NCR2: variants seen among roughly 807,000 people sequenced by gnomAD.
The protein encoded by NCR2 is natural cytotoxicity triggering receptor 2.
Under a neutral mutation model 30.7 loss-of-function variants are expected in NCR2, and 35 were observed. The ratio of observed to expected loss-of-function variants is 1.14; its 90% CI spans 0.87 to 1.51. The LOEUF (loss-of-function observed/expected upper bound fraction) is 1.51. NCR2 is among the 40% of genes most tolerant of loss of function. The probability of loss-of-function intolerance (pLI) is 0.00; values close to 1 mark genes in which losing one functional copy is unlikely to be tolerated. For missense variants in NCR2, 316 were observed against 328.9 expected (o/e 0.96, Z 0.30); for synonymous variants, 146 against 134.8 (o/e 1.08, Z -0.58).
Position 41,336,292 on chromosome 6 carries a change from C to A in NCR2, c.258C>A (p.Asp86Glu), listed in dbSNP as rs760971967. 3.7e-6 allele frequency: 6 copies of A among 1,613,998 alleles called. No homozygotes were observed. Among genetic ancestry groups the A allele is most frequent in the South Asian group, 1.1e-5 (1 of 91,088 alleles). The change falls in exon 2 of 5, where the codon GAC becomes GAA. Residue 86 changes from aspartate to glutamate, a missense_variant. Physicochemically the swap from Asp to Glu is conservative, Grantham distance 45 (BLOSUM62 2). Transcript: ENST00000373089. ...AWTSRFTIWD[D>E]PDAGFFTVTM... is the part of the protein sequence containing the mutation. ...CCTCTCGATTCACAATCTGGGACGACCCTGATGCTGGCTTCTTCACTGTCA... is the reference window on the plus strand; with the variant it reads ...CCTCTCGATTCACAATCTGGGACGAACCTGATGCTGGCTTCTTCACTGTCA...
rs758622920 is a variant in NCR2 at position 41,335,851 on chromosome 6, C to A, written c.-26C>A. 6.4e-7 allele frequency: 1 copy of A among 1,558,430 alleles called. No homozygotes were observed. Among genetic ancestry groups the A allele is most frequent in the South Asian group, 1.2e-5 (1 of 84,646 alleles). On this transcript the variant is annotated 5_prime_UTR_variant, in exon 1 of 5. Transcript: ENST00000373089. ...CCCAGTCTTCTCCAGGTGTCCCCTC[C>A]CATGAGCGCACAGGAAAAGGACCAC... is the stretch of plus-strand genomic sequence containing the variant.
chr6:41,347,748 G>A (rs1323555802), intron 4 of NCR2, among the ~76,000 whole-genome samples: 1 of 152,176 alleles, frequency 6.6e-6, no homozygotes, highest in Admixed American at 6.5e-5. Context: ...ATGGGGGTGT[G>A]ATCAGAAATT....
At position 41,336,462 on chromosome 6, in the gene NCR2, C is replaced by G. The variant is rs755803101; in HGVS notation, c.394+34C>G. 1.1e-5 allele frequency: 17 copies of G among 1,548,544 alleles called. No individual in the cohort carries two copies. The Middle Eastern group carries it at 2.4e-3, about 220-fold the overall frequency. On this transcript the variant is annotated intron_variant, in intron 2 of 4. Coordinates refer to ENST00000373089, the MANE Select transcript of NCR2 (RefSeq NM_004828.4). ...TTTCCCTAGGGTCCTCAGAGGGGTG[C>G]CCCTCACCCCCTTTTGGTGCCTCCA...
chr6:41,336,241 C>T lies in NCR2; in HGVS notation c.207C>T (p.Ser69=). 1 of 1,614,190 alleles carries T rather than the reference C, an allele frequency of 6.2e-7. No individual in the cohort carries two copies. The highest frequency in any genetic ancestry group is 2.2e-5 in the East Asian group (1 of 44,878). Residue 69 remains serine (S), a synonymous_variant, in exon 2 of 5, where the codon AGC becomes AGT. Coordinates refer to ENST00000373089, the MANE Select transcript of NCR2 (RefSeq NM_004828.4). ...TTGTGTGCATCAGGTTAGTCACCAGCTCCAAGCCCAGGACGATGGCTTGGA... is the reference window on the plus strand; with the variant it reads ...TTGTGTGCATCAGGTTAGTCACCAGTTCCAAGCCCAGGACGATGGCTTGGA... ...SALVCIRLVT[S]SKPRTMAWTS... is the part of the protein sequence containing the mutation.
In NCR2 at chr6:41,350,790, G is replaced by C. The variant is rs377176492; in HGVS notation, c.757G>C (p.Val253Leu). ...DLPWTSVSSP[V>L]EREILYHTVA... ...TCCCTGGACCTCAGTTTCCTCACCT[G>C]TAGAGAGAGAAATATTATATCACAC... is the stretch of plus-strand genomic sequence containing the variant. Residue 253 changes from valine (V) to leucine (L), a missense_variant, in exon 5 of 5, where the codon GTA becomes CTA. By Grantham distance (32) the Val-to-Leu change is conservative. Coordinates refer to ENST00000373089, the MANE Select transcript of NCR2 (RefSeq NM_004828.4). 7.9e-6 allele frequency: 11 copies of C among 1,393,512 alleles called. No homozygotes were observed. Among genetic ancestry groups the C allele is most frequent in the Non-Finnish European group, 1.1e-5 (11 of 978,864 alleles). 86.3% of individuals were successfully genotyped at this position (1,393,512 alleles called of 1,614,324 possible). A position where few individuals can be genotyped will look rare whatever the true frequency, so the allele number is the denominator to read the frequency against.
At position 41,335,945 on chromosome 6, in the gene NCR2, G is replaced by T; in HGVS notation, c.52+17G>T. ...TGTTCCCAGGTGAGGGGGAGGAGGA[G>T]CCCAGGGAGCAGAGGAGATGGGTGT... On this transcript the variant is annotated intron_variant, in intron 1 of 4. Transcript: ENST00000373089. 6.4e-7 allele frequency: 1 copy of T among 1,571,834 alleles called. No individual in the cohort carries two copies. The highest frequency in any genetic ancestry group is 8.6e-7 in the Non-Finnish European group (1 of 1,158,336).
chr6:41,345,925 G>C lies in NCR2; in HGVS notation c.644+3776G>C, dbSNP rs150604253. 3.5e-4 allele frequency among the ~76,000 whole-genome samples: 53 copies of C among 152,222 alleles called. No homozygotes were observed. The East Asian group carries it at 8.1e-3, about 23-fold the overall frequency. On this transcript the variant is annotated intron_variant, in intron 4 of 4. Coordinates refer to ENST00000373089, the MANE Select transcript of NCR2 (RefSeq NM_004828.4). ...TGCTTTCTCCGCAGTTCTCTTGCGG[G>C]GGGAGGGAGGCGGTTTGTTCTCCTT...
In NCR2 at chr6:41,335,969, G is replaced by T. The variant is rs1489457614; in HGVS notation, c.52+41G>T. On this transcript the variant is annotated intron_variant, in intron 1 of 4. Coordinates refer to ENST00000373089, the MANE Select transcript of NCR2 (RefSeq NM_004828.4). The stretch of plus-strand genomic sequence containing the variant: ...AGCCCAGGGAGCAGAGGAGATGGGT[G>T]TGGTGGGGACTGTCAGGACAGCAGG... The T allele has an allele frequency of 1.9e-6, 3 of 1,577,904 alleles. No individual in the cohort carries two copies. In the African/African-American group the frequency reaches 4.1e-5, roughly 21 times the overall value.
At chr6:41,339,100 C>T (rs577776982) in intron 2 of NCR2, among the ~76,000 whole-genome samples, 8 of 152,288 alleles carry the variant, frequency 5.3e-5, no homozygotes, top group Non-Finnish European at 1.0e-4. Flanking sequence ...GGCGGAGTCT[C>T]GCTCTGTCTG....
intron 2 of NCR2, among the ~76,000 whole-genome samples, chr6:41,337,329 T>C (rs1351307204): frequency 1.3e-5 from 2 of 152,222 alleles, no homozygotes; most frequent in East Asian, 1.9e-4. Flanking sequence ...TTATAAAAAC[T>C]GTATACATTG....
chr6:41,336,492 C>T (rs751914544), intron 2 of NCR2, 64 bp downstream of exon 2: 6 of 1,397,750 alleles, frequency 4.3e-6, no homozygotes, highest in African/African-American at 2.9e-5. Flanking sequence ...CCTCCATCAC[C>T]CCTGGTTTCC....
intron 2 of NCR2, among the ~76,000 whole-genome samples, chr6:41,338,790 G>T (rs1441193497): frequency 6.6e-6 from 1 of 152,134 alleles, no homozygotes; most frequent in Non-Finnish European, 1.5e-5. Flanking sequence ...TTGACCTAAG[G>T]CGTCAAGGGA....
intron 4 of NCR2, among the ~76,000 whole-genome samples, chr6:41,349,957 A>G (rs1322138158): frequency 1.3e-5 from 2 of 152,192 alleles, no homozygotes; most frequent in African/African-American, 2.4e-5. Flanking sequence ...ATGAGCCACA[A>G]GAAGAAACCA....
Position 41,336,163 on chromosome 6 carries a change from G to A in NCR2, c.129G>A (p.Pro43=), listed in dbSNP as rs569305538. 48 of 1,613,988 alleles carry A rather than the reference G, an allele frequency of 3.0e-5. No homozygotes were observed. Among genetic ancestry groups the A allele is most frequent in the African/African-American group, 4.0e-5 (3 of 74,928 alleles). Residue 43 remains proline (P), a synonymous_variant, in exon 2 of 5, where the codon CCG becomes CCA. Coordinates refer to ENST00000373089, the MANE Select transcript of NCR2 (RefSeq NM_004828.4). The part of the protein sequence containing the change: ...GQTLTVRCQY[P]PTGSLYEKKG... ...CGCTAACCGTGAGATGCCAGTACCCGCCCACGGGCAGTCTCTACGAGAAGA... is the reference window on the plus strand; with the variant it reads ...CGCTAACCGTGAGATGCCAGTACCCACCCACGGGCAGTCTCTACGAGAAGA...
rs747353091 is a variant in NCR2 at position 41,342,135 on chromosome 6, C to A, written c.630C>A (p.Ala210=). ...TAGCCAAGAGCCTGGTGCTGTCAGCCCTGCTCGTCTGGTGGTGAGTGTGGT... is the reference window on the plus strand; with the variant it reads ...TAGCCAAGAGCCTGGTGCTGTCAGCACTGCTCGTCTGGTGGTGAGTGTGGT... ...LLVAKSLVLS[A]LLVWWGDIWW... is the part of the protein sequence containing the mutation. Residue 210 remains alanine (A), a synonymous_variant, in exon 4 of 5, where the codon GCC becomes GCA. Coordinates refer to ENST00000373089, the MANE Select transcript of NCR2 (RefSeq NM_004828.4). The A allele has an allele frequency of 6.2e-7, 1 of 1,612,984 alleles. No individual in the cohort carries two copies. The highest frequency in any genetic ancestry group is 1.3e-5 in the African/African-American group (1 of 74,910).
At chr6:41,347,154 G>A (rs965020983) in intron 4 of NCR2, among the ~76,000 whole-genome samples, 1 of 152,184 alleles carries the variant, frequency 6.6e-6, no homozygotes, top group African/African-American at 2.4e-5. Flanking sequence ...GGTGGAGGCT[G>A]CAGTGAACTA....
At chr6:41,345,760 A>G (rs1769284749) in intron 4 of NCR2, among the ~76,000 whole-genome samples, 1 of 152,052 alleles carries the variant, frequency 6.6e-6, no homozygotes, top group Non-Finnish European at 1.5e-5. Context: ...ATTAGCCCCA[A>G]TTCCCACTCG....
chr6:41,335,830 G>A lies in NCR2; in HGVS notation c.-47G>A. The A allele has an allele frequency of 1.3e-6, 2 of 1,545,434 alleles. No homozygotes were observed. The highest frequency in any genetic ancestry group is 1.8e-6 in the Non-Finnish European group (2 of 1,140,392). On this transcript the variant is annotated 5_prime_UTR_variant, in exon 1 of 5. Coordinates refer to ENST00000373089, the MANE Select transcript of NCR2 (RefSeq NM_004828.4). ...CCCAGCTCCCAATTCCCTCTCCCCA[G>A]TCTTCTCCAGGTGTCCCCTCCCATG...
chr6:41,337,715 C>A (rs953239522), intron 2 of NCR2, among the ~76,000 whole-genome samples: 1 of 152,112 alleles, frequency 6.6e-6, no homozygotes, highest in Non-Finnish European at 1.5e-5. Context: ...AAAGCAATTC[C>A]GACAAGCTCA....
Sources: gnomAD v4.1 joint callset for allele counts (sites outside exome capture counted in the v4.1 genomes callset) on GRCh38, gnomAD v4.1.1 for gene constraint, MANE v1.5 for transcripts, NCBI Gene and HGNC (gene_info 2026-07-23, HGNC 2026-07-21) for gene names.